The following PEPD variants were observed in gnomAD, a reference collection of about 807,000 sequenced individuals.
PEPD encodes the protein peptidase D, also known as xaa-Pro dipeptidase.
A neutral mutation model predicts 60.7 loss-of-function variants in PEPD; 53 were observed. The observed-to-expected ratio is 0.87, with a 90% confidence interval of 0.70 to 1.10. The LOEUF (loss-of-function observed/expected upper bound fraction) is 1.10. PEPD is among the 50% of genes least tolerant of loss of function. The pLI is 0.00. For missense variants in PEPD, 711 were observed against 711.9 expected, an observed-to-expected ratio of 1.00 and a Z score of 0.01; for synonymous variants, 267 against 284.1, an observed-to-expected ratio of 0.94 and a Z score of 0.60.
intron 9 of PEPD, among the ~76,000 whole-genome samples, chr19:33,458,581 GGT>G (rs1969862334): frequency 1.6e-5 from 1 of 61,902 alleles, no homozygotes; most frequent in Admixed American, 1.7e-4. Context: ...GAACGAGTGT[GGT>G]GTGTGTGTGG....
chr19:33,521,784 T>G lies in PEPD; in HGVS notation c.-24A>C. 1.3e-6 allele frequency: 2 copies of G among 1,566,600 alleles called. No individual in the cohort carries two copies. The highest frequency in any genetic ancestry group is 2.3e-5 in the East Asian group (1 of 42,608). Reference sequence around the variant, plus strand: ...ATGTTCGCCCGGCACCGGCGTCACGTGAAGTGCGGCGTCAGCTGAGCCCCT... The same window carrying G: ...ATGTTCGCCCGGCACCGGCGTCACGGGAAGTGCGGCGTCAGCTGAGCCCCT... On this transcript the variant is annotated 5_prime_UTR_variant, in exon 1 of 15. Coordinates refer to ENST00000244137, the MANE Select transcript of PEPD (RefSeq NM_000285.4).
chr19:33,478,236 G>A lies in PEPD; in HGVS notation c.504-146C>T, dbSNP rs988694174. On this transcript the variant is annotated intron_variant, in intron 6 of 14. Transcript: ENST00000244137. The stretch of plus-strand genomic sequence containing the variant: ...TGACTTCCTGACCCACAAAAGGCCT[G>A]TTGATCCCTTCCTTCAGCAGACCTG... 11 of 709,114 alleles carry A rather than the reference G, an allele frequency of 1.6e-5. No individual in the cohort carries two copies. In the African/African-American group the frequency reaches 1.6e-4, roughly 10 times the overall value. The allele number at this position is 709,114 out of a possible 1,614,324, so 43.9% of individuals were successfully genotyped here. A position where few individuals can be genotyped will look rare whatever the true frequency, so the allele number is the denominator to read the frequency against.
At chr19:33,409,266 C>T (rs1440178747) in intron 11 of PEPD, among the ~76,000 whole-genome samples, 1 of 152,230 alleles carries the variant, frequency 6.6e-6, no homozygotes, top group African/African-American at 2.4e-5. Flanking sequence ...CCCAGAAGTG[C>T]CCCCTGGACT....
intron 9 of PEPD, among the ~76,000 whole-genome samples, chr19:33,462,457 G>C (rs551914203): frequency 6.6e-6 from 1 of 152,310 alleles, no homozygotes; most frequent in South Asian, 2.1e-4. Flanking sequence ...CTGGGTCCTG[G>C]AGCGGGGCTG....
intron 9 of PEPD, among the ~76,000 whole-genome samples, chr19:33,459,684 T>TTTA (rs397957465): frequency 2.0e-5 from 3 of 151,700 alleles, no homozygotes; most frequent in Non-Finnish European, 4.4e-5. Flanking sequence ...TTTTTTTTTT[T>TTTA]AACATGCCTT....
chr19:33,464,003 C>T lies in PEPD; in HGVS notation c.608G>A (p.Ser203Asn). 6.2e-7 allele frequency: 1 copy of T among 1,611,940 alleles called. No homozygotes were observed. The highest frequency in any genetic ancestry group is 8.5e-7 in the Non-Finnish European group (1 of 1,178,598). ...CTGACTTACCTCACGGTGGGCCTCG[C>T]TGGAGATTTTATTGGTATAGCGCAG... The part of the protein sequence containing the change: ...EVLRYTNKIS[S>N]EAHREVMKAV... Residue 203 changes from serine to asparagine, a missense_variant, in exon 8 of 15, where the codon AGC becomes AAC. Transcript: ENST00000244137.
intron 6 of PEPD, among the ~76,000 whole-genome samples, chr19:33,483,065 G>T (rs1970337410): frequency 6.6e-6 from 1 of 152,140 alleles, no homozygotes; most frequent in East Asian, 1.9e-4. Flanking sequence ...ATTAATCACA[G>T]TAGAATTAAA....
intron 11 of PEPD, among the ~76,000 whole-genome samples, chr19:33,408,039 C>T (rs1968674731): frequency 6.6e-6 from 1 of 152,224 alleles, no homozygotes; most frequent in African/African-American, 2.4e-5. Context: ...TTCATAGGCC[C>T]TCTTGGACCA....
chr19:33,463,922 C>T (rs1450347802), intron 8 of PEPD, 65 bp downstream of exon 8: 31 of 1,070,800 alleles, frequency 2.9e-5, no homozygotes, highest in South Asian at 6.6e-5. Flanking sequence ...TTCATCCTCA[C>T]GCAGTTCTCT....
At chr19:33,405,848 G>A (rs1007067448) in intron 11 of PEPD, among the ~76,000 whole-genome samples, 2 of 152,366 alleles carry the variant, frequency 1.3e-5, no homozygotes, top group Middle Eastern at 3.4e-3. Flanking sequence ...CGGCAGACAG[G>A]AAAGCTGCCC....
chr19:33,443,980 GCACA>G (rs3217241), intron 9 of PEPD, among the ~76,000 whole-genome samples: 8 of 152,004 alleles, frequency 5.3e-5, no homozygotes, highest in South Asian at 4.2e-4. Context: ...GCGTGCGCGC[GCACA>G]CACACACACA....
chr19:33,454,604 A>G (rs1969761712), intron 9 of PEPD, among the ~76,000 whole-genome samples: 1 of 152,168 alleles, frequency 6.6e-6, no homozygotes, highest in African/African-American at 2.4e-5. Flanking sequence ...TCTGTCTCCA[A>G]AAAAGAAAAA....
At chr19:33,520,130 C>T (rs548660238) in intron 1 of PEPD, among the ~76,000 whole-genome samples, 21 of 152,156 alleles carry the variant, frequency 1.4e-4, no homozygotes, top group African/African-American at 5.1e-4. Flanking sequence ...TCCAGACTTG[C>T]TCCCGTCCAG....
intron 13 of PEPD, among the ~76,000 whole-genome samples, chr19:33,390,936 G>A (rs757606154): frequency 8.5e-5 from 13 of 152,184 alleles, no homozygotes; most frequent in Non-Finnish European, 1.9e-4. Flanking sequence ...GCGGCAGGAC[G>A]TGAGGGGTGC....
At chr19:33,408,565 G>A (rs1390119323) in intron 11 of PEPD, among the ~76,000 whole-genome samples, 1 of 152,200 alleles carries the variant, frequency 6.6e-6, no homozygotes, top group African/African-American at 2.4e-5. Flanking sequence ...CCACCCTTCT[G>A]CAGTACAGCT....
chr19:33,487,465 G>A (rs1162416640), intron 6 of PEPD: 2 of 152,316 alleles, frequency 1.3e-5, no homozygotes, highest in African/African-American at 4.8e-5. Flanking sequence ...ACAAGGAAGG[G>A]AGGGAGGAGA....
intron 11 of PEPD, among the ~76,000 whole-genome samples, chr19:33,410,421 T>A (rs534013359): frequency 3.9e-5 from 6 of 152,304 alleles, no homozygotes; most frequent in African/African-American, 1.4e-4. Context: ...GCTCGGCAGC[T>A]CTCTGGGCAG....
intron 3 of PEPD, among the ~76,000 whole-genome samples, chr19:33,505,578 GGGA>G: frequency 6.6e-6 from 1 of 152,066 alleles, no homozygotes; most frequent in South Asian, 2.1e-4. Context: ...CAAGGAGCGT[GGGA>G]GGGAGGCACC....
chr19:33,432,780 A>G (rs1372734026), intron 9 of PEPD, among the ~76,000 whole-genome samples: 1 of 152,224 alleles, frequency 6.6e-6, no homozygotes, highest in Non-Finnish European at 1.5e-5. Flanking sequence ...TTCCACTCAC[A>G]GCTTTGAAAT....
Sources: gnomAD v4.1 joint callset for allele counts (sites outside exome capture counted in the v4.1 genomes callset) on GRCh38, gnomAD v4.1.1 for gene constraint, MANE v1.5 for transcripts, NCBI Gene and HGNC (gene_info 2026-07-23, HGNC 2026-07-21) for gene names.